The following SGCD variants were observed in gnomAD, a reference collection of about 807,000 sequenced individuals.
SGCD encodes the protein delta-sarcoglycan.
In SGCD, 18 loss-of-function variants were observed where a neutral mutation model predicts 36.6. The observed-to-expected ratio is 0.49, with a 90% confidence interval of 0.34 to 0.73. The LOEUF (loss-of-function observed/expected upper bound fraction) is 0.73. Among genes scored for constraint, SGCD ranks in the 30% least tolerant of loss-of-function variants. The probability of loss-of-function intolerance (pLI) is 0.01; values close to 1 mark genes in which losing one functional copy is unlikely to be tolerated. For synonymous variants in SGCD, 133 were observed against 130.6 expected (o/e 1.02, Z -0.12); for missense variants, 387 against 346.7 (o/e 1.12, Z -0.92).
rs150061180 is a variant in SGCD, at chr5:156,758,814, C to T, written c.700-403C>T. On this transcript the variant is annotated intron_variant, in intron 8 of 8. Coordinates refer to ENST00000337851, the MANE Select transcript of SGCD (RefSeq NM_000337.6). ...AAAAAAAAGCAGAAAGGCTCACTAGCATTTAAAAGTTGGAAAATGTTACAT... is the reference window on the plus strand; with the variant it reads ...AAAAAAAAGCAGAAAGGCTCACTAGTATTTAAAAGTTGGAAAATGTTACAT... Among the ~76,000 whole-genome samples the T allele has an allele frequency of 4.0e-4, 61 of 151,892 alleles. No homozygotes were observed. In the East Asian group the frequency reaches 0.011, roughly 28 times the overall value.
At chr5:155,922,344 A>T (rs568917132) in intron 1 of SGCD, among the ~76,000 whole-genome samples, 7 of 152,124 alleles carry the variant, frequency 4.6e-5, no homozygotes, top group Non-Finnish European at 1.0e-4. Flanking sequence ...ACAGTGAACA[A>T]CGTGGCAGGG....
At chr5:156,303,923 A>G (rs1581230983) in intron 3 of SGCD, among the ~76,000 whole-genome samples, 1 of 151,590 alleles carries the variant, frequency 6.6e-6, no homozygotes, top group Non-Finnish European at 1.5e-5. Flanking sequence ...TGTACTGCCT[A>G]TGGTTAGGGG....
intron 3 of SGCD, among the ~76,000 whole-genome samples, chr5:156,443,952 A>T (rs1047719990): frequency 1.3e-5 from 2 of 152,102 alleles, no homozygotes; most frequent in Admixed American, 1.3e-4. Context: ...CTACCTTTAT[A>T]AATCAGAATC....
At chr5:156,402,340 TA>T (rs1438016423) in intron 3 of SGCD, among the ~76,000 whole-genome samples, 5 of 152,162 alleles carry the variant, frequency 3.3e-5, no homozygotes, top group Non-Finnish European at 7.4e-5. Context: ...TTAGTTAAAA[TA>T]ATGTAAGCAA....
the SGCD span, among the ~76,000 whole-genome samples, chr5:155,777,026 C>T: frequency 6.6e-6 from 1 of 152,066 alleles, no homozygotes; most frequent in Non-Finnish European, 1.5e-5. Flanking sequence ...GGCACCTTAG[C>T]TTGAGAAAGA....
chr5:156,605,538 T>C (rs984108979), intron 6 of SGCD, among the ~76,000 whole-genome samples: 1 of 152,306 alleles, frequency 6.6e-6, no homozygotes, highest in Non-Finnish European at 1.5e-5. Context: ...TAGCAGCATG[T>C]TTTATAATCC....
intron 3 of SGCD, among the ~76,000 whole-genome samples, chr5:156,450,169 G>A (rs187929292): frequency 1.8e-4 from 27 of 152,170 alleles, no homozygotes; most frequent in East Asian, 5.8e-4. Context: ...AGAAAGCTTC[G>A]GTAGGCTACA....
At chr5:156,744,496 G>T (rs191167432) in intron 7 of SGCD, among the ~76,000 whole-genome samples, 15 of 152,126 alleles carry the variant, frequency 9.9e-5, no homozygotes, top group African/African-American at 3.4e-4. Flanking sequence ...GGAGATTGTC[G>T]TGGGTTCCAG....
chr5:156,633,360 G>A (rs11743091), intron 6 of SGCD, among the ~76,000 whole-genome samples: 15,376 of 152,246 alleles, frequency 0.1, 886 homozygotes, highest in Non-Finnish European at 0.12. Context: ...TGAGTAGGAT[G>A]TGCATAACCG....
intron 1 of SGCD, among the ~76,000 whole-genome samples, chr5:155,961,517 A>T (rs1757790353): frequency 6.6e-6 from 1 of 152,096 alleles, no homozygotes; most frequent in African/African-American, 2.4e-5. Flanking sequence ...GCAGTTTAAC[A>T]TTTCAGCCAA....
At chr5:156,529,155 G>A (rs1463893127) in intron 4 of SGCD, among the ~76,000 whole-genome samples, 1 of 152,026 alleles carries the variant, frequency 6.6e-6, no homozygotes, top group Non-Finnish European at 1.5e-5. Flanking sequence ...GGGCCGGTGC[G>A]CCAGCTCACG....
chr5:156,547,694 G>C (rs376135923), intron 4 of SGCD, among the ~76,000 whole-genome samples: 1 of 151,932 alleles, frequency 6.6e-6, no homozygotes, highest in Non-Finnish European at 1.5e-5. Flanking sequence ...CGCCCACCTC[G>C]GCCTCCCAAA....
At chr5:155,992,500 A>G (rs1041470472) in intron 1 of SGCD, among the ~76,000 whole-genome samples, 3 of 152,214 alleles carry the variant, frequency 2.0e-5, no homozygotes, top group Non-Finnish European at 2.9e-5. Context: ...ACACATTTTC[A>G]TATTATTCAT....
chr5:156,359,358 A>G (rs1275111846), intron 3 of SGCD, among the ~76,000 whole-genome samples: 1 of 152,220 alleles, frequency 6.6e-6, no homozygotes, highest in Admixed American at 6.5e-5. Context: ...ATAGGATAAC[A>G]TGTATTAAGA....
intron 6 of SGCD, among the ~76,000 whole-genome samples, chr5:156,623,525 A>G (rs1474896975): frequency 6.6e-6 from 1 of 152,218 alleles, no homozygotes; most frequent in Non-Finnish European, 1.5e-5. Flanking sequence ...GCATATGAGG[A>G]AGGGCAGGAC....
intron 3 of SGCD, among the ~76,000 whole-genome samples, chr5:156,311,011 G>A (rs1402391625): frequency 6.6e-6 from 1 of 152,142 alleles, no homozygotes; most frequent in Non-Finnish European, 1.5e-5. Context: ...TCTAGTTAGA[G>A]GGAACAGCAT....
intron 6 of SGCD, among the ~76,000 whole-genome samples, chr5:156,641,865 C>A (rs1402088192): frequency 2.0e-5 from 3 of 152,184 alleles, no homozygotes; most frequent in Admixed American, 6.6e-5. Flanking sequence ...CTACCACCAT[C>A]TCTCTCCTGG....
chr5:156,271,544 A>T (rs971740741), intron 3 of SGCD, among the ~76,000 whole-genome samples: 1 of 152,172 alleles, frequency 6.6e-6, no homozygotes, highest in African/African-American at 2.4e-5. Context: ...ACATAGCTTT[A>T]TCTAATACTT....
intron 3 of SGCD, among the ~76,000 whole-genome samples, chr5:156,488,425 A>G (rs1755799763): frequency 6.6e-6 from 1 of 152,078 alleles, no homozygotes; most frequent in Non-Finnish European, 1.5e-5. Context: ...AAAGTCACAT[A>G]TGAGGGAATT....
Sources: gnomAD v4.1 joint callset for allele counts (sites outside exome capture counted in the v4.1 genomes callset) on GRCh38, gnomAD v4.1.1 for gene constraint, MANE v1.5 for transcripts, NCBI Gene and HGNC (gene_info 2026-07-23, HGNC 2026-07-21) for gene names.